Variants in CHRNA9 observed in about 807,000 individuals in gnomAD.
CHRNA9 encodes cholinergic receptor nicotinic alpha 9 subunit, also known as neuronal acetylcholine receptor subunit alpha-9.
Under a neutral mutation model 36.8 loss-of-function variants are expected in CHRNA9, and 24 were observed. That is an observed-to-expected ratio of 0.65 (90% CI 0.47 to 0.92). The LOEUF is 0.92. Ranked by LOEUF, CHRNA9 falls within the 40% of genes least tolerant of loss-of-function variation. The probability of loss-of-function intolerance (pLI) is 0.00; values close to 1 mark genes in which losing one functional copy is unlikely to be tolerated. For synonymous variants in CHRNA9, 231 were observed against 231.8 expected (o/e 1.00, Z 0.03); for missense variants, 610 against 601.2 (o/e 1.01, Z -0.15).
chr4:40,350,146 C>G (rs976005115), intron 4 of CHRNA9, among the ~76,000 whole-genome samples: 1 of 152,092 alleles, frequency 6.6e-6, no homozygotes, highest in African/African-American at 2.4e-5. Flanking sequence ...TGACATCTAC[C>G]CTTAACAGAA....
chr4:40,343,590 CA>C (rs1175604656), intron 3 of CHRNA9, among the ~76,000 whole-genome samples: 4 of 152,186 alleles, frequency 2.6e-5, no homozygotes, highest in Non-Finnish European at 5.9e-5. Context: ...GGGACACAGC[CA>C]AACCATATCA....
chr4:40,349,635 C>T (rs1712740228), intron 4 of CHRNA9: 1 of 528,628 alleles, frequency 1.9e-6, no homozygotes, highest in Admixed American at 3.2e-5. Flanking sequence ...CACGAAAGAG[C>T]AATGAAAGAC....
At position 40,349,028 on chromosome 4, in the gene CHRNA9, T is replaced by G. The variant is rs760418461; in HGVS notation, c.512T>G (p.Leu171Arg). The change falls in exon 4 of 5, where the codon CTG (leucine) becomes CGG (arginine). Residue 171 changes from leucine (L) to arginine (R), a missense_variant. Physicochemically the swap from Leu to Arg is moderately radical, Grantham distance 102. Transcript: ENST00000310169. ...CCTTTTGACAACCAGCAGTGCAACC[T>G]GACTTTTGGTTCCTGGACCTACAAT... The part of the protein sequence containing the change: ...YFPFDNQQCN[L>R]TFGSWTYNGN... The G allele has an allele frequency of 7.4e-6, 12 of 1,614,094 alleles. No individual in the cohort carries two copies. In the Admixed American group the frequency reaches 1.2e-4, roughly 16 times the overall value.
At position 40,349,321 on chromosome 4, in the gene CHRNA9, G is replaced by T. The variant is rs1364811070; in HGVS notation, c.805G>T (p.Val269Phe). The change falls in exon 4 of 5, where the codon GTC becomes TTC. Residue 269 changes from valine (V) to phenylalanine (F), a missense_variant. Physicochemically the swap from Val to Phe is conservative, Grantham distance 50. Transcript: ENST00000310169. ...TCTCCCAGCAGCCTCCGGAGAAAAG[G>T]TCTCCCTGGGAGTGACCATCCTGTT... The part of the protein sequence containing the change: ...FYLPAASGEK[V>F]SLGVTILLAM... 5.0e-6 allele frequency: 8 copies of T among 1,614,034 alleles called. No homozygotes were observed. Among genetic ancestry groups the T allele is most frequent in the Middle Eastern group, 1.6e-4 (1 of 6,062 alleles).
intron 4 of CHRNA9, among the ~76,000 whole-genome samples, chr4:40,352,419 T>C (rs1054159440): frequency 1.1e-4 from 16 of 152,130 alleles, no homozygotes; most frequent in Non-Finnish European, 1.5e-4. Context: ...GAGACGGGGT[T>C]TCACCATGTT....
intron 3 of CHRNA9, among the ~76,000 whole-genome samples, chr4:40,341,810 C>T (rs1434912822): frequency 6.6e-6 from 1 of 152,158 alleles, no homozygotes; most frequent in Admixed American, 6.5e-5. Context: ...CGTGGACGAC[C>T]TGTAGTCAAG....
intron 3 of CHRNA9, among the ~76,000 whole-genome samples, chr4:40,339,329 T>A (rs1251571095): frequency 1.3e-5 from 2 of 148,916 alleles, no homozygotes; most frequent in Non-Finnish European, 3.0e-5. Context: ...GAAAGATAAT[T>A]TCATTGACAC....
chr4:40,339,279 CAAAAA>C lies in CHRNA9; in HGVS notation c.365+1933_365+1937del, dbSNP rs61634062. ...GGGCGACAAGAGCGAGACTCCATCT[CAAAAA>C]AAAAAAAAAAAAAAAAAGAAAGAAA... On this transcript the variant is annotated intron_variant, in intron 3 of 4. Transcript: ENST00000310169. Among the ~76,000 whole-genome samples, 95 of 71,176 alleles carry C rather than the reference CAAAAA, an allele frequency of 1.3e-3. No homozygotes were observed. In the East Asian group the frequency reaches 0.035, roughly 26 times the overall value. 46.7% of individuals were successfully genotyped at this position (71,176 alleles called of 152,430 possible). A position where few individuals can be genotyped will look rare whatever the true frequency, so the allele number is the denominator to read the frequency against.
rs773040766 is a variant in CHRNA9, at chr4:40,349,025, A to G, written c.509A>G (p.Asn170Ser). The stretch of plus-strand genomic sequence containing the variant: ...TTCCCTTTTGACAACCAGCAGTGCA[A>G]CCTGACTTTTGGTTCCTGGACCTAC... ...TYFPFDNQQCNLTFGSWTYNG... is the reference protein window; with the variant it reads ...TYFPFDNQQCSLTFGSWTYNG... The change falls in exon 4 of 5, where the codon AAC (asparagine) becomes AGC (serine). Residue 170 changes from asparagine (N) to serine (S), a missense_variant. Transcript: ENST00000310169. 2 of 1,614,042 alleles carry G rather than the reference A, an allele frequency of 1.2e-6. No homozygotes were observed. Among genetic ancestry groups the G allele is most frequent in the East Asian group, 4.5e-5 (2 of 44,906 alleles).
chr4:40,343,253 T>C (rs1295699935), intron 3 of CHRNA9, among the ~76,000 whole-genome samples: 4 of 152,214 alleles, frequency 2.6e-5, no homozygotes, highest in Non-Finnish European at 5.9e-5. Context: ...TTGGTCTGTT[T>C]TCATGTTGCT....
chr4:40,337,435 A>G (rs1477119162), intron 3 of CHRNA9, 71 bp downstream of exon 3: 5 of 1,518,670 alleles, frequency 3.3e-6, no homozygotes, highest in African/African-American at 1.4e-5. Context: ...AACATAATGA[A>G]AAAGGAATGT....
Position 40,349,416 on chromosome 4 carries a change from T to A in CHRNA9, c.898+2T>A. 6.2e-7 allele frequency: 1 copy of A among 1,607,554 alleles called. No homozygotes were observed. Among genetic ancestry groups the A allele is most frequent in the South Asian group, 1.1e-5 (1 of 90,314 alleles). ...CCTCAGAAAATGTGCCCCTGATAGG[T>A]GAGTCCAAGTGTCTTCCACTTCAAG... On this transcript the variant is annotated splice_donor_variant, in intron 4 of 4. Transcript: ENST00000310169. LOFTEE classifies it high-confidence loss of function.
chr4:40,354,034 C>G lies in CHRNA9; in HGVS notation c.954C>G (p.Ile318Met). 4 of 1,614,168 alleles carry G rather than the reference C, an allele frequency of 2.5e-6. No individual in the cohort carries two copies. Among genetic ancestry groups the G allele is most frequent in the Non-Finnish European group, 3.4e-6 (4 of 1,179,998 alleles). The change falls in exon 5 of 5, where the codon ATC (isoleucine) becomes ATG (methionine). Residue 318 changes from isoleucine to methionine, a missense_variant. By Grantham distance (10) the Ile-to-Met change is conservative. Transcript: ENST00000310169. ...ALITASTALT[I>M]MVMNIHFCGA... is the part of the protein sequence containing the mutation. ...TCACAGCCTCCACTGCGTTGACCAT[C>G]ATGGTGATGAATATCCACTTCTGTG...
chr4:40,338,866 CTG>C (rs1712405434), intron 3 of CHRNA9, among the ~76,000 whole-genome samples: 2 of 117,948 alleles, frequency 1.7e-5, no homozygotes, highest in South Asian at 3.2e-4. Flanking sequence ...CTCTCTCTCT[CTG>C]TCTCTCTCTC....
intron 3 of CHRNA9, among the ~76,000 whole-genome samples, chr4:40,346,711 A>G (rs921648126): frequency 5.3e-5 from 8 of 152,198 alleles, no homozygotes; most frequent in African/African-American, 1.9e-4. Context: ...ATTAAAGTTA[A>G]TATTGTGGCA....
At chr4:40,337,489 CT>C (rs1368262844) in intron 3 of CHRNA9, 125 bp downstream of exon 3, 2 of 1,067,288 alleles carry the variant, frequency 1.9e-6, no homozygotes, top group African/African-American at 3.2e-5. Flanking sequence ...GTTCCTAGGA[CT>C]TACTGAAATA....
rs774774039 is a variant in CHRNA9 at position 40,337,234 on chromosome 4, G to T, written c.235G>T (p.Ala79Ser). ...DMDERNQILT[A>S]YLWIRQIWHD... ...GGATGAAAGAAACCAAATTCTGACT[G>T]CTTATTTGTGGATCCGCCAAATCTG... The change falls in exon 3 of 5, where the codon GCT becomes TCT. Residue 79 changes from alanine (A) to serine (S), a missense_variant. Physicochemically the swap from Ala to Ser is moderately conservative, Grantham distance 99. Transcript: ENST00000310169. 8.1e-6 allele frequency: 13 copies of T among 1,614,208 alleles called. No homozygotes were observed. Among genetic ancestry groups the T allele is most frequent in the Non-Finnish European group, 1.0e-5 (12 of 1,180,018 alleles).
intron 4 of CHRNA9, among the ~76,000 whole-genome samples, chr4:40,353,705 A>G (rs556242143): frequency 1.3e-5 from 2 of 150,440 alleles, no homozygotes; most frequent in East Asian, 2.0e-4. Flanking sequence ...TGACCGTTTG[A>G]TAATCATGTG....
chr4:40,349,561 T>A, intron 4 of CHRNA9, 147 bp downstream of exon 4: 1 of 717,344 alleles, frequency 1.4e-6, no homozygotes, highest in Non-Finnish European at 2.3e-6. Flanking sequence ...GTGGTTGCAG[T>A]TAGCATCTTT....
Sources: allele counts gnomAD v4.1 joint callset (sites outside exome capture counted in the v4.1 genomes callset), GRCh38; gene constraint gnomAD v4.1.1; transcripts MANE v1.5; gene names NCBI Gene and HGNC (gene_info 2026-07-23, HGNC 2026-07-21).